Variants in GRID1 observed in about 807,000 individuals in gnomAD.
GRID1 encodes the protein glutamate ionotropic receptor delta type subunit 1.
GRID1 carries 28 observed loss-of-function variants against 98.0 expected under a neutral mutation model. That is an observed-to-expected ratio of 0.29 (90% confidence interval 0.21 to 0.39). The LOEUF (loss-of-function observed/expected upper bound fraction) is 0.39. Among genes scored for constraint, GRID1 ranks in the 10% least tolerant of loss-of-function variants. GRID1 has a pLI of 1.00. For missense variants in GRID1, 1,111 were observed against 1,340.5 expected (o/e 0.83, Z 2.67); for synonymous variants, 553 against 538.5 (o/e 1.03, Z -0.37).
intron 2 of GRID1, among the ~76,000 whole-genome samples, chr10:86,274,331 A>C (rs1331975353): frequency 6.6e-6 from 1 of 152,180 alleles, no homozygotes; most frequent in Non-Finnish European, 1.5e-5. Context: ...GTATAGTTTG[A>C]AGTCAGATAG....
chr10:85,934,003 T>G (rs560314900), intron 4 of GRID1, among the ~76,000 whole-genome samples: 20 of 152,298 alleles, frequency 1.3e-4, no homozygotes, highest in African/African-American at 4.6e-4. Context: ...GAGGGTTTCC[T>G]AGGTACCCTG....
intron 2 of GRID1, among the ~76,000 whole-genome samples, chr10:86,284,003 C>A (rs1847393556): frequency 6.6e-6 from 1 of 150,700 alleles, no homozygotes; most frequent in South Asian, 2.1e-4. Context: ...CCCATACACA[C>A]CTGCCCTCAC....
chr10:86,227,248 C>T (rs990463202), intron 2 of GRID1, among the ~76,000 whole-genome samples: 2 of 152,190 alleles, frequency 1.3e-5, no homozygotes, highest in African/African-American at 2.4e-5. Context: ...CAACTGGGGC[C>T]GCCCCTCCCC....
At chr10:85,878,206 A>G (rs913262770) in intron 5 of GRID1, among the ~76,000 whole-genome samples, 3 of 152,216 alleles carry the variant, frequency 2.0e-5, no homozygotes, top group African/African-American at 7.2e-5. Flanking sequence ...GCAGGGTATT[A>G]TCCAGGAGAA....
At chr10:86,021,764 C>T (rs555303742) in intron 4 of GRID1, among the ~76,000 whole-genome samples, 1 of 152,214 alleles carries the variant, frequency 6.6e-6, no homozygotes, top group East Asian at 1.9e-4. Flanking sequence ...CATTCACCTG[C>T]GTAGTATATT....
chr10:86,146,941 C>T (rs1051523388), intron 3 of GRID1, among the ~76,000 whole-genome samples: 2 of 152,196 alleles, frequency 1.3e-5, no homozygotes, highest in Admixed American at 1.3e-4. Context: ...ACCAAGCAGG[C>T]CCAGGGGCAA....
chr10:86,047,394 C>T lies in GRID1; in HGVS notation c.726+91425G>A, dbSNP rs139919642. ...TGCTTTAGGTGATTAATAGAGTTGG[C>T]TTTTTCCTGGGACATAGAGGCAGCC... On this transcript the variant is annotated intron_variant, in intron 4 of 15. Coordinates refer to ENST00000327946, the MANE Select transcript of GRID1 (RefSeq NM_017551.3). Among the ~76,000 whole-genome samples the T allele has an allele frequency of 3.2e-3, 488 of 152,290 alleles. 7 individuals carry two copies. The highest frequency in any genetic ancestry group is 3.4e-3 in the Middle Eastern group (1 of 294).
chr10:85,932,065 G>A (rs925006546), intron 4 of GRID1, among the ~76,000 whole-genome samples: 1 of 152,186 alleles, frequency 6.6e-6, no homozygotes, highest in Non-Finnish European at 1.5e-5. Flanking sequence ...TGTACCACCT[G>A]CCTAACCTGG....
intron 8 of GRID1, among the ~76,000 whole-genome samples, chr10:85,791,879 G>C (rs1842483890): frequency 6.6e-6 from 1 of 152,132 alleles, no homozygotes; most frequent in Non-Finnish European, 1.5e-5. Context: ...AAAGCCAGGG[G>C]ACCCTGGGCT....
chr10:86,047,518 C>A (rs1402106226), intron 4 of GRID1, among the ~76,000 whole-genome samples: 1 of 152,152 alleles, frequency 6.6e-6, no homozygotes, highest in Non-Finnish European at 1.5e-5. Context: ...AGTACTTTTG[C>A]GGGGAGCACC....
intron 4 of GRID1, among the ~76,000 whole-genome samples, chr10:85,985,732 A>T (rs962621835): frequency 5.3e-5 from 8 of 151,962 alleles, no homozygotes; most frequent in African/African-American, 1.9e-4. Context: ...TTTCTACTGG[A>T]CCTCAACCAA....
chr10:86,130,412 A>C (rs114953644), intron 4 of GRID1, among the ~76,000 whole-genome samples: 39 of 152,364 alleles, frequency 2.6e-4, no homozygotes, highest in African/African-American at 9.4e-4. Context: ...CTGTTTTCAC[A>C]CACAAATGTT....
At chr10:85,675,295 A>G (rs1159541137) in intron 12 of GRID1, among the ~76,000 whole-genome samples, 1 of 152,220 alleles carries the variant, frequency 6.6e-6, no homozygotes, top group East Asian at 1.9e-4. Flanking sequence ...TGATAAGTCT[A>G]GAATGGCAGT....
At chr10:86,134,285 C>A (rs1473924290) in intron 4 of GRID1, among the ~76,000 whole-genome samples, 1 of 152,226 alleles carries the variant, frequency 6.6e-6, no homozygotes, top group African/African-American at 2.4e-5. Context: ...GGTTCCTCAT[C>A]CATAGGAGGC....
chr10:86,023,174 G>T (rs376024722), intron 4 of GRID1, among the ~76,000 whole-genome samples: 2 of 152,214 alleles, frequency 1.3e-5, no homozygotes, highest in Admixed American at 6.5e-5. Flanking sequence ...GCCCTGCGGA[G>T]GGATGCAGTA....
chr10:85,844,466 CAA>C (rs1842988166), intron 8 of GRID1, among the ~76,000 whole-genome samples: 1 of 131,660 alleles, frequency 7.6e-6, no homozygotes, highest in African/African-American at 2.8e-5. Flanking sequence ...CACACACACA[CAA>C]ATGAAACTGG....
At chr10:86,285,874 C>T (rs1364766691) in intron 2 of GRID1, among the ~76,000 whole-genome samples, 2 of 152,150 alleles carry the variant, frequency 1.3e-5, no homozygotes, top group African/African-American at 4.8e-5. Context: ...AATGAAAAGA[C>T]GTTTGAGCAA....
intron 5 of GRID1, among the ~76,000 whole-genome samples, chr10:85,872,225 A>G (rs1251347890): frequency 2.0e-5 from 3 of 152,176 alleles, no homozygotes; most frequent in African/African-American, 7.2e-5. Context: ...TGAGTAGGTT[A>G]GTTAGTTTTA....
chr10:85,836,774 G>A (rs1190713162), intron 8 of GRID1, among the ~76,000 whole-genome samples: 1 of 152,140 alleles, frequency 6.6e-6, no homozygotes, highest in Admixed American at 6.5e-5. Context: ...AAACAGGACT[G>A]GTCCAACCTG....
Sources: gnomAD v4.1 joint callset for allele counts (sites outside exome capture counted in the v4.1 genomes callset) on GRCh38, gnomAD v4.1.1 for gene constraint, MANE v1.5 for transcripts, NCBI Gene and HGNC (gene_info 2026-07-23, HGNC 2026-07-21) for gene names.